SP3: variants seen among roughly 807,000 people sequenced by gnomAD.
The protein encoded by SP3 is Sp3 transcription factor.
Under a neutral mutation model 70.3 loss-of-function variants are expected in SP3, and 10 were observed. The ratio of observed to expected loss-of-function variants is 0.14; its 90% CI spans 0.09 to 0.24. SP3 has a LOEUF of 0.24. Ranked by LOEUF, SP3 falls within the 10% of genes least tolerant of loss-of-function variation. SP3 has a pLI of 1.00. For synonymous variants in SP3, 402 were observed against 333.5 expected (o/e 1.21, Z -2.24); for missense variants, 825 against 914.6 (o/e 0.90, Z 1.26).
chr2:173,938,459 C>CAAAAAAAAAAA (rs747595137), intron 4 of SP3, among the ~76,000 whole-genome samples: 9 of 46,350 alleles, frequency 1.9e-4, no homozygotes, highest in Non-Finnish European at 2.5e-4. Flanking sequence ...AACTTTGCCT[C>CAAAAAAAAAAA]AAAAAAAAAA....
intron 1 of SP3, 53 bp from the exon 2 acceptor site, chr2:173,964,606 A>T (rs1691225734): frequency 3.5e-6 from 2 of 578,662 alleles, no homozygotes; most frequent in East Asian, 4.0e-5. Flanking sequence ...GGTGGCGGAG[A>T]GGGAGGGGGC....
Position 173,909,904 on chromosome 2 carries a change from T to TA in SP3, c.*36dup, listed in dbSNP as rs1553514921. On this transcript the variant is annotated 3_prime_UTR_variant, in exon 7 of 7. Coordinates refer to ENST00000310015, the MANE Select transcript of SP3 (RefSeq NM_003111.5). ...GAACAATATTCTTCTCACTACTGTA[T>TA]AAAAATAACCACAATGAATAAGTAT... The TA allele has an allele frequency of 6.3e-7, 1 of 1,590,334 alleles. No individual in the cohort carries two copies. Among genetic ancestry groups the TA allele is most frequent in the Admixed American group, 1.7e-5 (1 of 59,088 alleles).
chr2:173,947,693 C>A (rs979270457), intron 4 of SP3, among the ~76,000 whole-genome samples: 1 of 152,152 alleles, frequency 6.6e-6, no homozygotes, highest in African/African-American at 2.4e-5. Flanking sequence ...GACATGAATT[C>A]ATCTCCTAAT....
At chr2:173,930,846 T>C (rs1026282202) in intron 4 of SP3, among the ~76,000 whole-genome samples, 1 of 152,170 alleles carries the variant, frequency 6.6e-6, no homozygotes, top group Non-Finnish European at 1.5e-5. Flanking sequence ...AGAAATACAA[T>C]GCAAGCCACG....
Position 173,910,020 on chromosome 2 carries a change from G to C in SP3, c.2267C>G (p.Thr756Ser). 2 of 1,613,804 alleles carry C rather than the reference G, an allele frequency of 1.2e-6. No individual in the cohort carries two copies. The highest frequency in any genetic ancestry group is 1.7e-6 in the Non-Finnish European group (2 of 1,179,838). The change falls in exon 7 of 7, where the codon ACC becomes AGC. Residue 756 changes from threonine (T) to serine (S), a missense_variant. Thr to Ser is a moderately conservative substitution (Grantham distance 58). Around this residue, in one of 4 missense-constraint regions of SP3, gnomAD observed 91 missense variants for 97.4 expected, o/e 0.93. Coordinates refer to ENST00000310015, the MANE Select transcript of SP3 (RefSeq NM_003111.5). ...GTTGGTAAGGATATCTTGATTGCTG[G>C]TGGCGGAAGTATTAACAGTTCCTAT... Reference protein sequence around the residue: ...SGIGTVNTSATSNQDILTNTE... With the variant: ...SGIGTVNTSASSNQDILTNTE...
chr2:173,948,122 C>A (rs1447565189), intron 4 of SP3, among the ~76,000 whole-genome samples: 4 of 152,108 alleles, frequency 2.6e-5, no homozygotes. Context: ...CTGGGTTTTT[C>A]TGCATGTAGG....
intron 4 of SP3, among the ~76,000 whole-genome samples, chr2:173,948,191 T>G (rs1306938359): frequency 2.6e-5 from 4 of 152,212 alleles, no homozygotes; most frequent in Non-Finnish European, 5.9e-5. Flanking sequence ...CCTAAATACT[T>G]AGCAAGTATA....
At chr2:173,912,008 C>A (rs533093267) in intron 6 of SP3, among the ~76,000 whole-genome samples, 1 of 151,988 alleles carries the variant, frequency 6.6e-6, no homozygotes, top group Admixed American at 6.6e-5. Flanking sequence ...AGGAGAGACA[C>A]GGTTTCACCA....
rs776115084 is a variant in SP3, at chr2:173,955,854, G to A, written c.658C>T (p.Pro220Ser). 3.7e-6 allele frequency: 6 copies of A among 1,614,216 alleles called. No individual in the cohort carries two copies. In the Middle Eastern group the frequency reaches 4.9e-4, roughly 133 times the overall value. The change falls in exon 4 of 7, where the codon CCT becomes TCT. Residue 220 changes from proline to serine, a missense_variant. Coordinates refer to ENST00000310015, the MANE Select transcript of SP3 (RefSeq NM_003111.5). ...SNQTLLASGT[P>S]SANIQNLIPQ... Reference sequence around the variant, plus strand: ...ATGAGATTCTGGATGTTAGCAGAAGGTGTTCCAGAGGCAAGTAAGGTTTGA... The same window carrying A: ...ATGAGATTCTGGATGTTAGCAGAAGATGTTCCAGAGGCAAGTAAGGTTTGA...
rs1559112072 is a variant in SP3, at chr2:173,961,934, G to GGTTTTTT, written c.279+1820_279+1826dup. 1.6e-3 allele frequency among the ~76,000 whole-genome samples: 100 copies of GGTTTTTT among 63,190 alleles called. 6 individuals carry two copies. Among genetic ancestry groups the GGTTTTTT allele is most frequent in the African/African-American group, 3.9e-3 (56 of 14,444 alleles). 41.5% of individuals were successfully genotyped at this position (63,190 alleles called of 152,430 possible). Reference sequence around the variant, plus strand: ...CCAGACATCATAAATATATGGTTTGGGTTTTTTTTTTTTTTTTTTTTTTTT... The same window carrying GGTTTTTT: ...CCAGACATCATAAATATATGGTTTGGGTTTTTTGTTTTTTTTTTTTTTTTTTTTTTTT... On this transcript the variant is annotated intron_variant, in intron 3 of 6. Coordinates refer to ENST00000310015, the MANE Select transcript of SP3 (RefSeq NM_003111.5).
chr2:173,925,873 T>TAC (rs1246797157), intron 4 of SP3, among the ~76,000 whole-genome samples: 2 of 152,196 alleles, frequency 1.3e-5, no homozygotes, highest in Non-Finnish European at 2.9e-5. Flanking sequence ...GTTAAAATAG[T>TAC]ACACACACAA....
Position 173,903,837 on chromosome 2 carries a change from T to C in SP3, c.*6104A>G, listed in dbSNP as rs1289837824. 6.6e-6 allele frequency among the ~76,000 whole-genome samples: 1 copy of C among 152,202 alleles called. No homozygotes were observed. The highest frequency in any genetic ancestry group is 1.5e-5 in the Non-Finnish European group (1 of 68,028). ...GTCTTTCAAGGCCCACCCTTTCTGA[T>C]TCATCCAAGCTATATACTAAGTTCT... is the stretch of plus-strand genomic sequence containing the variant. On this transcript the variant is annotated 3_prime_UTR_variant, in exon 7 of 7. Transcript: ENST00000310015.
chr2:173,952,930 T>A (rs1468068539), intron 4 of SP3, among the ~76,000 whole-genome samples: 1 of 152,214 alleles, frequency 6.6e-6, no homozygotes, highest in Non-Finnish European at 1.5e-5. Flanking sequence ...GGGTATGGGT[T>A]TCCTTTTGAG....
rs199965557 is a variant in SP3, at chr2:173,956,198, G to C, written c.314C>G (p.Ala105Gly). 1.6e-5 allele frequency: 26 copies of C among 1,613,184 alleles called. 1 individual carries two copies. In the East Asian group the frequency reaches 2.9e-4, roughly 18 times the overall value. Residue 105 changes from alanine (A) to glycine (G), a missense_variant, in exon 4 of 7, where the codon GCA becomes GGA. Coordinates refer to ENST00000310015, the MANE Select transcript of SP3 (RefSeq NM_003111.5). ...TGACAAAACCTCCCATCGGTTTGGT[G>C]CTCCTCCTAACTGTGCAGAAGCCAA... ...GDLASAQLGGAPNRWEVLSAT... is the reference protein window; with the variant it reads ...GDLASAQLGGGPNRWEVLSAT...
At chr2:173,949,412 AAATAC>A (rs1690646460) in intron 4 of SP3, among the ~76,000 whole-genome samples, 1 of 152,138 alleles carries the variant, frequency 6.6e-6, no homozygotes, top group Non-Finnish European at 1.5e-5. Flanking sequence ...AAGGGAAGAA[AAATAC>A]AATACTGATA....
rs1056119868 is a variant in SP3 at position 173,905,689 on chromosome 2, C to A, written c.*4252G>T. ...AAAGCCAACATGGGAAAAAAAAAAACCTTGTATACCCTTTAGACTCCAGAT... is the reference window on the plus strand; with the variant it reads ...AAAGCCAACATGGGAAAAAAAAAAAACTTGTATACCCTTTAGACTCCAGAT... On this transcript the variant is annotated 3_prime_UTR_variant, in exon 7 of 7. Coordinates refer to ENST00000310015, the MANE Select transcript of SP3 (RefSeq NM_003111.5). Among the ~76,000 whole-genome samples, 6 of 150,796 alleles carry A rather than the reference C, an allele frequency of 4.0e-5. No individual in the cohort carries two copies. Among genetic ancestry groups the A allele is most frequent in the African/African-American group, 1.5e-4 (6 of 40,902 alleles).
intron 4 of SP3, among the ~76,000 whole-genome samples, chr2:173,936,818 C>G (rs1183617130): frequency 6.7e-6 from 1 of 149,312 alleles, no homozygotes; most frequent in Non-Finnish European, 1.5e-5. Context: ...TTTTTTAAAC[C>G]TTGTTAGTAA....
chr2:173,910,045 T>A lies in SP3; in HGVS notation c.2242A>T (p.Ile748Leu), dbSNP rs1689435434. 4 of 1,613,190 alleles carry A rather than the reference T, an allele frequency of 2.5e-6. No individual in the cohort carries two copies. The African/African-American group carries it at 5.3e-5, about 22-fold the overall frequency. The change falls in exon 7 of 7, where the codon ATA (isoleucine) becomes TTA (leucine). Residue 748 changes from isoleucine (I) to leucine (L), a missense_variant. Physicochemically the swap from Ile to Leu is conservative, Grantham distance 5 (BLOSUM62 2). Transcript: ENST00000310015. The part of the protein sequence containing the change: ...ANIQQGSVSG[I>L]GTVNTSATSN... ...GTGGCGGAAGTATTAACAGTTCCTATCCCTGAAACAGAACCTTGTTGAATA... is the reference window on the plus strand; with the variant it reads ...GTGGCGGAAGTATTAACAGTTCCTAACCCTGAAACAGAACCTTGTTGAATA...
rs1691254569 is a variant in SP3 at position 173,965,162 on chromosome 2, T to C, written c.7+3A>G. 1.3e-6 allele frequency: 2 copies of C among 1,546,984 alleles called. No individual in the cohort carries two copies. The highest frequency in any genetic ancestry group is 1.7e-6 in the Non-Finnish European group (2 of 1,145,620). On this transcript the variant is annotated splice_donor_region_variant and intron_variant, in intron 1 of 6. Transcript: ENST00000310015. ...CAAGGGTTGCTCTCTCGGCTTTACG[T>C]ACCGGTCATAGTGTGTTTAGGGCAC...
Sources: gnomAD v4.1 joint callset for allele counts (sites outside exome capture counted in the v4.1 genomes callset) on GRCh38, gnomAD v4.1.1 for gene constraint, gnomAD v4.1.1 regional missense constraint, MANE v1.5 for transcripts, NCBI Gene and HGNC (gene_info 2026-07-23, HGNC 2026-07-21) for gene names.